The following SLC35D4 variants were observed in gnomAD, a reference collection of about 807,000 sequenced individuals.
The protein encoded by SLC35D4 is solute carrier family 35 member D4, also known as UDP-N-acetylglucosamine transporter SLC35D4.
chr18:23,317,808 C>T, the SLC35D4 span, among the ~76,000 whole-genome samples: 4 of 151,790 alleles, frequency 2.6e-5, no homozygotes, highest in South Asian at 8.3e-4. Flanking sequence ...TGGCCAATGT[C>T]TGCTCACTGC....
At chr18:23,246,910 C>G in the SLC35D4 span, among the ~76,000 whole-genome samples, 1 of 152,190 alleles carries the variant, frequency 6.6e-6, no homozygotes. Flanking sequence ...CCAAGCTGGT[C>G]TCGAACTCCT....
At chr18:23,289,979 G>A in the SLC35D4 span, among the ~76,000 whole-genome samples, 1 of 152,122 alleles carries the variant, frequency 6.6e-6, no homozygotes. Context: ...CCTGCACCCA[G>A]GTGAAATAAA....
chr18:23,374,056 T>G, the SLC35D4 span, among the ~76,000 whole-genome samples: 1 of 152,198 alleles, frequency 6.6e-6, no homozygotes, highest in Admixed American at 6.5e-5. Flanking sequence ...GAAAATAGTG[T>G]GCCTGTGAAA....
chr18:23,396,994 G>A, the SLC35D4 span, among the ~76,000 whole-genome samples: 1 of 152,276 alleles, frequency 6.6e-6, no homozygotes, highest in African/African-American at 2.4e-5. Context: ...GTTGAAGGCT[G>A]CAGAACTCCC....
the SLC35D4 span, among the ~76,000 whole-genome samples, chr18:23,340,799 C>A: frequency 6.6e-6 from 1 of 152,186 alleles, no homozygotes; most frequent in East Asian, 1.9e-4. Context: ...TCAGGCCCCA[C>A]AAGCATTGCC....
the SLC35D4 span, among the ~76,000 whole-genome samples, chr18:23,242,846 T>C: frequency 0.014 from 2,205 of 152,236 alleles, 47 homozygotes; most frequent in African/African-American, 0.048. Context: ...CCTCTACCCC[T>C]ACATCTCCCC....
the SLC35D4 span, among the ~76,000 whole-genome samples, chr18:23,415,687 A>C: frequency 6.6e-6 from 1 of 152,338 alleles, no homozygotes; most frequent in East Asian, 1.9e-4. Context: ...AAATTGCTTC[A>C]ATGTTCTGCA....
the SLC35D4 span, among the ~76,000 whole-genome samples, chr18:23,400,179 G>T: frequency 1.0e-3 from 152 of 152,246 alleles, no homozygotes; most frequent in Non-Finnish European, 1.6e-3. Flanking sequence ...CTGGTTCAGG[G>T]ACCCTTTAAG....
At chr18:23,260,719 G>T in the SLC35D4 span, among the ~76,000 whole-genome samples, 1 of 151,030 alleles carries the variant, frequency 6.6e-6, no homozygotes, top group Admixed American at 6.6e-5. Flanking sequence ...TGGGGTTGGG[G>T]ATGGGGGCGC....
chr18:23,347,710 C>A, the SLC35D4 span, among the ~76,000 whole-genome samples: 1 of 152,202 alleles, frequency 6.6e-6, no homozygotes, highest in African/African-American at 2.4e-5. Flanking sequence ...TAGGCATGAG[C>A]CACCATGCCT....
the SLC35D4 span, among the ~76,000 whole-genome samples, chr18:23,246,458 C>G: frequency 6.6e-6 from 1 of 151,934 alleles, no homozygotes; most frequent in Middle Eastern, 3.2e-3. Flanking sequence ...GTGGCAAGAT[C>G]TTGGCTCACT....
chr18:23,378,326 T>C, the SLC35D4 span, among the ~76,000 whole-genome samples: 9 of 152,078 alleles, frequency 5.9e-5, no homozygotes. Flanking sequence ...CGTGAGCCAC[T>C]GCACCCAACC....
the SLC35D4 span, among the ~76,000 whole-genome samples, chr18:23,349,970 G>A: frequency 1.3e-5 from 2 of 152,056 alleles, no homozygotes; most frequent in Non-Finnish European, 2.9e-5. Flanking sequence ...GACTCTTTAG[G>A]CTAAATCCTA....
the SLC35D4 span, among the ~76,000 whole-genome samples, chr18:23,267,916 T>G: frequency 2.4e-4 from 36 of 152,318 alleles, 1 homozygote; most frequent in South Asian, 6.2e-3. Flanking sequence ...TCAATTCAAC[T>G]GCAAGTCTTC....
the SLC35D4 span, among the ~76,000 whole-genome samples, chr18:23,395,898 G>C: frequency 3.9e-5 from 6 of 152,174 alleles, no homozygotes; most frequent in Non-Finnish European, 7.3e-5. Context: ...GAAAGTGCCT[G>C]GCACATGCTT....
chr18:23,328,078 CAA>C, the SLC35D4 span, among the ~76,000 whole-genome samples: 1 of 152,160 alleles, frequency 6.6e-6, no homozygotes, highest in East Asian at 1.9e-4. Flanking sequence ...CTATTTATGA[CAA>C]ACCTACAGCC....
chr18:23,355,218 C>G, the SLC35D4 span, among the ~76,000 whole-genome samples: 1 of 152,040 alleles, frequency 6.6e-6, no homozygotes, highest in African/African-American at 2.4e-5. Context: ...AAAACAAAAC[C>G]CTGATTTATC....
the SLC35D4 span, among the ~76,000 whole-genome samples, chr18:23,360,639 T>C: frequency 6.6e-6 from 1 of 152,200 alleles, no homozygotes. Context: ...TAGGAAGCTT[T>C]CTGCAGTGAC....
the SLC35D4 span, among the ~76,000 whole-genome samples, chr18:23,279,604 C>T: frequency 6.6e-6 from 1 of 151,946 alleles, no homozygotes; most frequent in Non-Finnish European, 1.5e-5. Flanking sequence ...GATACAGGCA[C>T]ACAGAGAAGG....
Sources: gnomAD v4.1 joint callset for allele counts (sites outside exome capture counted in the v4.1 genomes callset) on GRCh38, gnomAD v4.1.1 for gene constraint, MANE v1.5 for transcripts, NCBI Gene and HGNC (gene_info 2026-07-23, HGNC 2026-07-21) for gene names.